Variants in SDK1 observed in about 807,000 individuals in gnomAD.
SDK1 encodes the protein protein sidekick-1.
Under a neutral mutation model 245.5 loss-of-function variants are expected in SDK1, and 157 were observed. That is an observed-to-expected ratio of 0.64 (90% confidence interval 0.56 to 0.73). The LOEUF (loss-of-function observed/expected upper bound fraction) is 0.73, where lower values mean the gene tolerates loss of function less well. SDK1 is among the 30% of genes least tolerant of loss of function. The pLI, the probability that SDK1 is intolerant of heterozygous loss-of-function variation, is 0.00. For synonymous variants in SDK1, 1,647 were observed against 1,278.5 expected, an observed-to-expected ratio of 1.29 and a Z score of -6.15; for missense variants, 3,583 against 3,002.3, an observed-to-expected ratio of 1.19 and a Z score of -4.52.
chr7:3,981,563 A>G (rs2128136980), intron 13 of SDK1, among the ~76,000 whole-genome samples: 1 of 152,330 alleles, frequency 6.6e-6, no homozygotes, highest in Admixed American at 6.5e-5. Flanking sequence ...ATGCAAAGGG[A>G]AAGTTATTGA....
chr7:4,139,523 G>GTGTGTGTA (rs1562871662), intron 28 of SDK1, among the ~76,000 whole-genome samples: 3 of 10,198 alleles, frequency 2.9e-4, no homozygotes, highest in African/African-American at 4.8e-4. Context: ...ATATGTGTGT[G>GTGTGTGTA]TATGTGTGTG....
chr7:3,968,383 G>C (rs1425180608), intron 10 of SDK1, among the ~76,000 whole-genome samples: 1 of 152,156 alleles, frequency 6.6e-6, no homozygotes. Flanking sequence ...CCTCATACTT[G>C]CTGGGCTGTA....
intron 4 of SDK1, among the ~76,000 whole-genome samples, chr7:3,718,290 C>T (rs1420878144): frequency 2.6e-5 from 4 of 151,992 alleles, no homozygotes; most frequent in African/African-American, 4.8e-5. Context: ...CACTTGGGCT[C>T]AGAAGTTGGA....
chr7:3,486,875 CTT>C (rs1562516722), intron 1 of SDK1, among the ~76,000 whole-genome samples: 1 of 152,102 alleles, frequency 6.6e-6, no homozygotes, highest in Non-Finnish European at 1.5e-5. Flanking sequence ...CTCTGCCTCT[CTT>C]AACTGTCTTA....
intron 17 of SDK1, among the ~76,000 whole-genome samples, chr7:4,025,781 C>G (rs1378226729): frequency 2.6e-5 from 4 of 152,202 alleles, no homozygotes; most frequent in Non-Finnish European, 4.4e-5. Flanking sequence ...ATCTTCAGCA[C>G]CATAGCCTGC....
intron 1 of SDK1, among the ~76,000 whole-genome samples, chr7:3,504,560 G>C (rs1422493576): frequency 2.6e-5 from 4 of 151,920 alleles, no homozygotes; most frequent in African/African-American, 9.7e-5. Context: ...GGTTAAACTG[G>C]GTAAGAATAG....
chr7:3,340,530 A>T (rs11973959), intron 1 of SDK1, among the ~76,000 whole-genome samples: 1 of 152,088 alleles, frequency 6.6e-6, no homozygotes, highest in Non-Finnish European at 1.5e-5. Flanking sequence ...TGGGAGGCCA[A>T]GGTGGGTGGC....
At chr7:3,759,593 T>TATC (rs1780035260) in intron 4 of SDK1, among the ~76,000 whole-genome samples, 1 of 150,120 alleles carries the variant, frequency 6.7e-6, no homozygotes. Context: ...TCATTATTAT[T>TATC]ATTATTATTA....
chr7:3,523,105 G>A (rs1782998246), intron 1 of SDK1, among the ~76,000 whole-genome samples: 1 of 152,136 alleles, frequency 6.6e-6, no homozygotes, highest in Non-Finnish European at 1.5e-5. Flanking sequence ...TTTAGATATT[G>A]CTTTTGAATT....
chr7:3,612,381 A>G (rs1334940739), intron 1 of SDK1, among the ~76,000 whole-genome samples: 1 of 152,168 alleles, frequency 6.6e-6, no homozygotes, highest in Non-Finnish European at 1.5e-5. Context: ...GAAAATCATA[A>G]TTGTTGTCCT....
chr7:3,476,627 ATTTAT>A (rs1781355385), intron 1 of SDK1, among the ~76,000 whole-genome samples: 1 of 152,224 alleles, frequency 6.6e-6, no homozygotes, highest in South Asian at 2.1e-4. Context: ...TTAATGGTGG[ATTTAT>A]TTTATATGTT....
At chr7:4,183,163 A>G (rs1257276440) in intron 35 of SDK1, among the ~76,000 whole-genome samples, 1 of 152,192 alleles carries the variant, frequency 6.6e-6, no homozygotes, top group African/African-American at 2.4e-5. Context: ...CTAAGCCGTG[A>G]GTCGTGAGTC....
rs560928764 is a variant in SDK1 at position 3,590,080 on chromosome 7, G to A, written c.299-29000G>A. ...TATTAGTGTAAATACGTATGTGTTA[G>A]GGGATAGATGATACACTATTACAGA... is the stretch of plus-strand genomic sequence containing the variant. On this transcript the variant is annotated intron_variant, in intron 1 of 44. Transcript: ENST00000404826. Among the ~76,000 whole-genome samples the A allele has an allele frequency of 1.6e-4, 25 of 152,258 alleles. 2 individuals carry two copies. In the South Asian group the frequency reaches 5.2e-3, roughly 32 times the overall value.
rs141831391 is a variant in SDK1 at position 4,178,523 on chromosome 7, G to A, written c.5035G>A (p.Ala1679Thr). The stretch of plus-strand genomic sequence containing the variant: ...CCGGCGCTATGAAGTAATAATGACC[G>A]CCTATAACATCATCGGCGAGAGCCC... ...KYRRYEVIMT[A>T]YNIIGESPAS... Residue 1679 changes from alanine to threonine, a missense_variant, in exon 35 of 45, where the codon GCC becomes ACC. Coordinates refer to ENST00000404826, the MANE Select transcript of SDK1 (RefSeq NM_152744.4). 4.5e-3 allele frequency: 7,253 copies of A among 1,613,810 alleles called. 29 individuals carry two copies. The highest frequency in any genetic ancestry group is 5.4e-3 in the Non-Finnish European group (6,411 of 1,179,874).
In SDK1 at chr7:3,534,083, A is replaced by G. The variant is rs117881380; in HGVS notation, c.299-84997A>G. Among the ~76,000 whole-genome samples, 1,095 of 152,172 alleles carry G rather than the reference A, an allele frequency of 7.2e-3. 10 individuals carry two copies. Among genetic ancestry groups the G allele is most frequent in the Non-Finnish European group, 0.013 (864 of 67,986 alleles). ...CCTGCATTTGGCCTCCCTGCCCGAC[A>G]TTGTTCTGTTCTCTGCTTCTATGAG... On this transcript the variant is annotated intron_variant, in intron 1 of 44. Transcript: ENST00000404826.
At chr7:3,747,942 C>T (rs1779672121) in intron 4 of SDK1, among the ~76,000 whole-genome samples, 1 of 151,760 alleles carries the variant, frequency 6.6e-6, no homozygotes, top group African/African-American at 2.4e-5. Flanking sequence ...AAGATTTTAG[C>T]CAGGAAACTG....
intron 5 of SDK1, among the ~76,000 whole-genome samples, chr7:3,932,004 A>G (rs556705241): frequency 2.6e-5 from 4 of 152,316 alleles, no homozygotes; most frequent in African/African-American, 9.6e-5. Context: ...CTTACTGTTC[A>G]TTGGTTTGGA....
chr7:3,841,020 G>C (rs1310422759), intron 5 of SDK1, among the ~76,000 whole-genome samples: 1 of 152,188 alleles, frequency 6.6e-6, no homozygotes, highest in African/African-American at 2.4e-5. Context: ...CTTCATGAGA[G>C]AGCTGCTGCA....
chr7:4,194,156 T>C (rs1373254903), intron 35 of SDK1, among the ~76,000 whole-genome samples: 1 of 151,992 alleles, frequency 6.6e-6, no homozygotes, highest in Non-Finnish European at 1.5e-5. Flanking sequence ...AAAATCTGTA[T>C]TAGTCAGGGT....
Sources: gnomAD v4.1 joint callset for allele counts (sites outside exome capture counted in the v4.1 genomes callset) on GRCh38, gnomAD v4.1.1 for gene constraint, MANE v1.5 for transcripts, NCBI Gene and HGNC (gene_info 2026-07-23, HGNC 2026-07-21) for gene names.